TSPAN9: variants seen among roughly 807,000 people sequenced by gnomAD.
The protein encoded by TSPAN9 is tetraspanin-9.
TSPAN9 carries 16 observed loss-of-function variants against 31.0 expected under a neutral mutation model. The ratio of observed to expected loss-of-function variants is 0.52; its 90% CI spans 0.35 to 0.78. The LOEUF is 0.78. Ranked by LOEUF, TSPAN9 falls within the 30% of genes least tolerant of loss-of-function variation. The probability of loss-of-function intolerance (pLI) is 0.01; values close to 1 mark genes in which losing one functional copy is unlikely to be tolerated. For synonymous variants in TSPAN9, 145 were observed against 121.6 expected (o/e 1.19, Z -1.27); for missense variants, 272 against 312.5 (o/e 0.87, Z 0.98).
chr12:3,139,712 A>AT (rs2098333857), intron 2 of TSPAN9, among the ~76,000 whole-genome samples: 2 of 151,980 alleles, frequency 1.3e-5, no homozygotes, highest in African/African-American at 2.4e-5. Context: ...TGCCCAGCTC[A>AT]TTTTTTTGTA....
Position 3,283,697 on chromosome 12 carries a change from GTAACTTTTTACTGTGTTGATTTCTT to G in TSPAN9, c.*585_*609del, listed in dbSNP as rs1191612799. On this transcript the variant is annotated 3_prime_UTR_variant, in exon 9 of 9. Coordinates refer to ENST00000011898, the MANE Select transcript of TSPAN9 (RefSeq NM_006675.5). ...AAGTTTAGGGTTAGATTTCTGATTT[GTAACTTTTTACTGTGTTGATTTCTT>G]TAATGGTTTGACTTTTTTTCCCTGA... 1 of 152,766 alleles carries G rather than the reference GTAACTTTTTACTGTGTTGATTTCTT, an allele frequency of 6.5e-6. No homozygotes were observed. The highest frequency in any genetic ancestry group is 2.4e-5 in the African/African-American group (1 of 41,474). The allele number at this position is 152,766 out of a possible 1,614,324, so 9.5% of individuals were successfully genotyped here. A position where few individuals can be genotyped will look rare whatever the true frequency, so the allele number is the denominator to read the frequency against.
At chr12:3,112,011 C>T (rs528831237) in intron 2 of TSPAN9, among the ~76,000 whole-genome samples, 16 of 151,994 alleles carry the variant, frequency 1.1e-4, no homozygotes, top group African/African-American at 3.1e-4. Flanking sequence ...GAGGACAGGT[C>T]GCCTTTACAT....
chr12:3,266,776 G>A (rs1862545450), intron 3 of TSPAN9, among the ~76,000 whole-genome samples: 1 of 152,188 alleles, frequency 6.6e-6, no homozygotes, highest in Non-Finnish European at 1.5e-5. Flanking sequence ...ATGCTGGCGT[G>A]GGTGGACGCG....
At chr12:3,174,726 G>T (rs1176041338) in intron 2 of TSPAN9, among the ~76,000 whole-genome samples, 1 of 147,912 alleles carries the variant, frequency 6.8e-6, no homozygotes, top group African/African-American at 2.4e-5. Context: ...GGGACTACAG[G>T]CGCCCACCAC....
intron 3 of TSPAN9, among the ~76,000 whole-genome samples, chr12:3,228,614 C>A (rs769881009): frequency 2.0e-5 from 3 of 152,258 alleles, no homozygotes; most frequent in Non-Finnish European, 4.4e-5. Flanking sequence ...GTGCTGAGCC[C>A]TGTGCTGCCT....
intron 2 of TSPAN9, among the ~76,000 whole-genome samples, chr12:3,198,888 T>TCACAC (rs1565610794): frequency 2.6e-4 from 30 of 115,008 alleles, no homozygotes; most frequent in African/African-American, 1.0e-3. Flanking sequence ...CAGGTCACCA[T>TCACAC]CAGCACAGGT....
rs112816457 is a variant in TSPAN9, at chr12:3,126,996, G to A, written c.-18+43277G>A. Among the ~76,000 whole-genome samples the A allele has an allele frequency of 3.1e-3, 470 of 152,140 alleles. 2 individuals are homozygous for A. The highest frequency in any genetic ancestry group is 0.011 in the African/African-American group (448 of 41,532). ...TCGCTGTGTTGCCCAGGCTGGACTC[G>A]AATTCCTGGATCAAGTGATCCTTCT... On this transcript the variant is annotated intron_variant, in intron 2 of 8. Transcript: ENST00000011898.
At chr12:3,259,723 GC>G (rs1438898664) in intron 3 of TSPAN9, among the ~76,000 whole-genome samples, 2 of 152,250 alleles carry the variant, frequency 1.3e-5, no homozygotes, top group African/African-American at 4.8e-5. Context: ...CCCAGCAGAG[GC>G]CTGTGAGTGG....
At chr12:3,131,148 G>A (rs1203303334) in intron 2 of TSPAN9, among the ~76,000 whole-genome samples, 1 of 147,078 alleles carries the variant, frequency 6.8e-6, no homozygotes, top group Non-Finnish European at 1.5e-5. Flanking sequence ...AAAGAAACCG[G>A]ATGTTTATGG....
chr12:3,232,441 G>A (rs576550148), intron 3 of TSPAN9, among the ~76,000 whole-genome samples: 1 of 152,250 alleles, frequency 6.6e-6, no homozygotes, highest in South Asian at 2.1e-4. Flanking sequence ...GGTAACTGAG[G>A]ACCAAAAGCC....
At chr12:3,152,439 G>A (rs2098340281) in intron 2 of TSPAN9, among the ~76,000 whole-genome samples, 1 of 152,254 alleles carries the variant, frequency 6.6e-6, no homozygotes. Context: ...TTGGCAAGCA[G>A]CCTTCCCCTG....
At chr12:3,276,063 G>C (rs151241538) in intron 3 of TSPAN9, among the ~76,000 whole-genome samples, 319 of 152,292 alleles carry the variant, frequency 2.1e-3, no homozygotes, top group Middle Eastern at 6.8e-3. Flanking sequence ...AGCTGGTCTG[G>C]CTCCTGGGAA....
At chr12:3,121,910 G>A (rs1303980820) in intron 2 of TSPAN9, among the ~76,000 whole-genome samples, 1 of 152,182 alleles carries the variant, frequency 6.6e-6, no homozygotes, top group African/African-American at 2.4e-5. Context: ...AGGCTGTGAT[G>A]TTATACTGTA....
At chr12:3,106,326 G>A (rs540367659) in intron 2 of TSPAN9, among the ~76,000 whole-genome samples, 2 of 152,338 alleles carry the variant, frequency 1.3e-5, no homozygotes, top group South Asian at 4.1e-4. Context: ...TACCCCTCTT[G>A]TATAATAGAG....
chr12:3,112,386 G>A (rs1005997196), intron 2 of TSPAN9, among the ~76,000 whole-genome samples: 3 of 151,734 alleles, frequency 2.0e-5, no homozygotes, highest in African/African-American at 7.3e-5. Context: ...ATGTTGGTCA[G>A]GCTGGTCGCA....
intron 3 of TSPAN9, among the ~76,000 whole-genome samples, chr12:3,270,238 C>T (rs368606454): frequency 2.6e-5 from 4 of 152,258 alleles, no homozygotes; most frequent in South Asian, 2.1e-4. Flanking sequence ...ACTTAAGGCC[C>T]GCTGTCAGGT....
chr12:3,151,939 A>G (rs76139786), intron 2 of TSPAN9, among the ~76,000 whole-genome samples: 12,291 of 152,142 alleles, frequency 0.081, 515 homozygotes, highest in Middle Eastern at 0.11. Flanking sequence ...AACAAAAAAA[A>G]CACACAGCCG....
intron 8 of TSPAN9, among the ~76,000 whole-genome samples, 175 bp from the exon 9 acceptor site, chr12:3,282,870 G>C (rs549167968): frequency 2.5e-4 from 38 of 152,346 alleles, no homozygotes; most frequent in African/African-American, 8.2e-4. Flanking sequence ...TGTGTCTCCA[G>C]GGTGACCTCT....
intron 3 of TSPAN9, among the ~76,000 whole-genome samples, chr12:3,254,584 C>T (rs1862310405): frequency 6.6e-6 from 1 of 152,204 alleles, no homozygotes; most frequent in African/African-American, 2.4e-5. Context: ...ATGATGATGA[C>T]AGCAGTATCC....
Sources: allele counts gnomAD v4.1 joint callset (sites outside exome capture counted in the v4.1 genomes callset), GRCh38; gene constraint gnomAD v4.1.1; transcripts MANE v1.5; gene names NCBI Gene and HGNC (gene_info 2026-07-23, HGNC 2026-07-21).